The following IMPG1 variants were observed in gnomAD, a reference collection of about 807,000 sequenced individuals.
IMPG1 encodes the protein interphotoreceptor matrix proteoglycan 1.
IMPG1 carries 85 observed loss-of-function variants against 92.0 expected under a neutral mutation model. That is an observed-to-expected ratio of 0.92 (90% CI 0.78 to 1.11). IMPG1 has a LOEUF of 1.11. Ranked by LOEUF, IMPG1 falls within the 50% of genes least tolerant of loss-of-function variation. The pLI is 0.00. For synonymous variants in IMPG1, 367 were observed against 334.1 expected (o/e 1.10, Z -1.08); for missense variants, 1,022 against 956.0 (o/e 1.07, Z -0.91).
At chr6:76,035,272 G>A (rs1424153000) in intron 2 of IMPG1, among the ~76,000 whole-genome samples, 1 of 152,040 alleles carries the variant, frequency 6.6e-6, no homozygotes, top group African/African-American at 2.4e-5. Flanking sequence ...GGAGGCTGAG[G>A]TGGGCGGATC....
chr6:76,031,263 T>C (rs1474144180), intron 4 of IMPG1, among the ~76,000 whole-genome samples: 1 of 152,196 alleles, frequency 6.6e-6, no homozygotes, highest in African/African-American at 2.4e-5. Context: ...CAGTTGACCA[T>C]TATATTTGAT....
At chr6:75,976,741 C>T (rs929986141) in intron 12 of IMPG1, among the ~76,000 whole-genome samples, 4 of 151,868 alleles carry the variant, frequency 2.6e-5, no homozygotes, top group Non-Finnish European at 5.9e-5. Flanking sequence ...GAAACCTCGT[C>T]TCTACTAAAA....
chr6:75,967,990 T>C (rs1324032691), intron 12 of IMPG1, among the ~76,000 whole-genome samples: 1 of 152,206 alleles, frequency 6.6e-6, no homozygotes, highest in East Asian at 1.9e-4. Context: ...AACTCAGGAA[T>C]GGAGACGCTG....
intron 12 of IMPG1, among the ~76,000 whole-genome samples, chr6:75,976,938 G>A (rs1239885163): frequency 1.3e-5 from 2 of 151,602 alleles, no homozygotes; most frequent in Non-Finnish European, 2.9e-5. Flanking sequence ...ATCCTGAGGA[G>A]TTTCAGAATG....
At chr6:76,048,165 C>T (rs1783977540) in intron 1 of IMPG1, among the ~76,000 whole-genome samples, 1 of 152,158 alleles carries the variant, frequency 6.6e-6, no homozygotes, top group African/African-American at 2.4e-5. Context: ...TAAATTCAAC[C>T]CACTGCCTAC....
intron 1 of IMPG1, among the ~76,000 whole-genome samples, chr6:76,063,346 C>T (rs1436992285): frequency 6.6e-6 from 1 of 152,110 alleles, no homozygotes; most frequent in Non-Finnish European, 1.5e-5. Context: ...GAGGAGAACT[C>T]ACCAGAAGAA....
At chr6:75,925,284 C>G (rs1248430719) in intron 15 of IMPG1, among the ~76,000 whole-genome samples, 1 of 151,750 alleles carries the variant, frequency 6.6e-6, no homozygotes, top group African/African-American at 2.4e-5. Context: ...TATTTTTAGA[C>G]CTTTCTATAT....
At chr6:76,039,040 C>T (rs1783790463) in intron 2 of IMPG1, among the ~76,000 whole-genome samples, 1 of 152,248 alleles carries the variant, frequency 6.6e-6, no homozygotes, top group South Asian at 2.1e-4. Flanking sequence ...CTGCTGCCAG[C>T]TGTTCCCCTG....
chr6:75,964,367 T>C (rs529758269), intron 12 of IMPG1, among the ~76,000 whole-genome samples: 1 of 152,286 alleles, frequency 6.6e-6, no homozygotes, highest in East Asian at 1.9e-4. Context: ...TTTTATGTTA[T>C]GTGAATTTTA....
At chr6:76,066,473 A>C (rs769264398) in intron 1 of IMPG1, among the ~76,000 whole-genome samples, 2 of 152,162 alleles carry the variant, frequency 1.3e-5, no homozygotes, top group Non-Finnish European at 2.9e-5. Context: ...AAAGCAGGTC[A>C]TTATATAATG....
rs752667034 is a variant in IMPG1 at position 75,937,264 on chromosome 6, CT to C, written c.2045-6114del. Among the ~76,000 whole-genome samples the C allele has an allele frequency of 9.2e-3, 1,317 of 143,134 alleles. 25 individuals carry two copies. The highest frequency in any genetic ancestry group is 0.05 in the Admixed American group (711 of 14,278). 93.9% of individuals were successfully genotyped at this position (143,134 alleles called of 152,430 possible). A position where few individuals can be genotyped will look rare whatever the true frequency, so the allele number is the denominator to read the frequency against. On this transcript the variant is annotated intron_variant, in intron 14 of 16. Transcript: ENST00000369950. The stretch of plus-strand genomic sequence containing the variant: ...GGACTTTTGTTTCTGAGAGTAAACA[CT>C]TTTTTTTTTTTTGCATTCTAAGACT...
At chr6:76,056,159 T>C (rs190177327) in intron 1 of IMPG1, among the ~76,000 whole-genome samples, 1 of 152,210 alleles carries the variant, frequency 6.6e-6, no homozygotes, top group Admixed American at 6.6e-5. Context: ...CTCAGGAATG[T>C]AGGGTTGGCT....
At chr6:75,945,359 T>C (rs1434457136) in intron 14 of IMPG1, among the ~76,000 whole-genome samples, 3,355 of 100,748 alleles carry the variant, frequency 0.033, 69 homozygotes, top group African/African-American at 0.11. Flanking sequence ...TTTTTTTTTC[T>C]TTTTTTTTTT....
At chr6:76,007,397 T>A in intron 9 of IMPG1, 83 bp downstream of exon 9, 1 of 1,022,154 alleles carries the variant, frequency 9.8e-7, no homozygotes, top group Non-Finnish European at 1.5e-6. Flanking sequence ...ACATTATATG[T>A]AAAAATTATT....
intron 13 of IMPG1, 46 bp downstream of exon 13, chr6:75,950,512 CAAAG>C (rs775822726): frequency 2.1e-6 from 3 of 1,452,584 alleles, no homozygotes; most frequent in Non-Finnish European, 2.8e-6. Flanking sequence ...AAAATAACAA[CAAAG>C]AAAGAAGAGA....
At chr6:75,989,077 A>G (rs996293571) in intron 12 of IMPG1, among the ~76,000 whole-genome samples, 3 of 152,052 alleles carry the variant, frequency 2.0e-5, no homozygotes, top group African/African-American at 7.2e-5. Context: ...CTCAGCTGTA[A>G]CATTTCTGGC....
At chr6:75,985,839 T>C (rs1181637290) in intron 12 of IMPG1, among the ~76,000 whole-genome samples, 6 of 152,172 alleles carry the variant, frequency 3.9e-5, no homozygotes, top group Non-Finnish European at 5.9e-5. Context: ...CTCTCATATT[T>C]TGAACCAAAA....
intron 12 of IMPG1, among the ~76,000 whole-genome samples, chr6:75,979,234 AAT>A (rs1370267059): frequency 6.6e-6 from 1 of 152,178 alleles, no homozygotes; most frequent in Non-Finnish European, 1.5e-5. Flanking sequence ...ATAAACTCTT[AAT>A]ATAGTATCAG....
At chr6:76,004,083 C>G (rs1052351023) in intron 10 of IMPG1, 133 bp from the exon 11 acceptor site, 6 of 628,416 alleles carry the variant, frequency 9.5e-6, no homozygotes, top group South Asian at 4.1e-5. Context: ...CATTAGGAAA[C>G]CAGAGGCATA....
Sources: gnomAD v4.1 joint callset for allele counts (sites outside exome capture counted in the v4.1 genomes callset) on GRCh38, gnomAD v4.1.1 for gene constraint, MANE v1.5 for transcripts, NCBI Gene and HGNC (gene_info 2026-07-23, HGNC 2026-07-21) for gene names.